The following LRP1B variants were observed in gnomAD, a reference collection of about 807,000 sequenced individuals.
LRP1B encodes the protein low-density lipoprotein receptor-related protein 1B.
Under a neutral mutation model 556.6 loss-of-function variants are expected in LRP1B, and 217 were observed. The observed-to-expected ratio is 0.39, with a 90% confidence interval of 0.35 to 0.44. The LOEUF (loss-of-function observed/expected upper bound fraction) is 0.44, where lower values mean the gene tolerates loss of function less well. Ranked by LOEUF, LRP1B falls within the 20% of genes least tolerant of loss-of-function variation. The probability of loss-of-function intolerance (pLI) is 1.00; values close to 1 mark genes in which losing one functional copy is unlikely to be tolerated. For synonymous variants in LRP1B, 2,047 were observed against 1,865.8 expected (o/e 1.10, Z -2.50); for missense variants, 5,053 against 5,620.8 (o/e 0.90, Z 3.23).
At chr2:141,218,048 C>A (rs992558127) in intron 6 of LRP1B, among the ~76,000 whole-genome samples, 1 of 152,022 alleles carries the variant, frequency 6.6e-6, no homozygotes, top group South Asian at 2.1e-4. Context: ...TCAAACCAAT[C>A]AGAATGGCTA....
chr2:142,011,408 C>T (rs1447423261), intron 1 of LRP1B, among the ~76,000 whole-genome samples: 1 of 152,112 alleles, frequency 6.6e-6, no homozygotes, highest in Non-Finnish European at 1.5e-5. Flanking sequence ...CATGATGATA[C>T]AATTTCTCAC....
intron 2 of LRP1B, among the ~76,000 whole-genome samples, chr2:141,500,787 G>C (rs1185131333): frequency 6.6e-6 from 1 of 152,062 alleles, no homozygotes; most frequent in East Asian, 1.9e-4. Flanking sequence ...TGAATTTACT[G>C]TTTACAGATA....
chr2:141,345,999 G>A (rs979043704), intron 3 of LRP1B, among the ~76,000 whole-genome samples: 2 of 151,722 alleles, frequency 1.3e-5, no homozygotes, highest in Non-Finnish European at 2.9e-5. Context: ...ATTTCCAAGG[G>A]CTCTTTTTTG....
intron 84 of LRP1B, among the ~76,000 whole-genome samples, chr2:140,275,878 CAA>C (rs1409927112): frequency 6.6e-6 from 1 of 151,864 alleles, no homozygotes; most frequent in South Asian, 2.1e-4. Context: ...CATAATGAAA[CAA>C]AGACTATTTA....
intron 27 of LRP1B, among the ~76,000 whole-genome samples, chr2:140,857,536 A>T (rs186754619): frequency 6.6e-6 from 1 of 152,260 alleles, no homozygotes; most frequent in East Asian, 1.9e-4. Context: ...TGAATTCCTT[A>T]TTTAAAATAT....
chr2:141,522,813 A>G (rs767088708), intron 2 of LRP1B, among the ~76,000 whole-genome samples: 1 of 152,172 alleles, frequency 6.6e-6, no homozygotes, highest in Non-Finnish European at 1.5e-5. Flanking sequence ...GCAAGCTGCT[A>G]TTTGCAGTCT....
intron 43 of LRP1B, among the ~76,000 whole-genome samples, chr2:140,597,010 C>T (rs1288797192): frequency 3.3e-5 from 5 of 151,802 alleles, no homozygotes; most frequent in Non-Finnish European, 7.4e-5. Context: ...ATAAATAGTC[C>T]CTAAATTAAC....
rs551498469 is a variant in LRP1B at position 141,326,474 on chromosome 2, A to T, written c.344-71833T>A. The stretch of plus-strand genomic sequence containing the variant: ...GGAAATGATTAGGATGGACAGAATG[A>T]AAGATTTATTATATAGAGAGGAAAA... On this transcript the variant is annotated intron_variant, in intron 3 of 90. Coordinates refer to ENST00000389484, the MANE Select transcript of LRP1B (RefSeq NM_018557.3). Among the ~76,000 whole-genome samples the T allele has an allele frequency of 2.0e-5, 3 of 152,308 alleles. No homozygotes were observed. The East Asian group carries it at 5.8e-4, about 29-fold the overall frequency.
intron 3 of LRP1B, among the ~76,000 whole-genome samples, chr2:141,321,446 G>A (rs1005026355): frequency 2.0e-5 from 3 of 152,044 alleles, no homozygotes; most frequent in Non-Finnish European, 2.9e-5. Flanking sequence ...CAGCAGCTCT[G>A]TTTAGGTTGT....
intron 2 of LRP1B, among the ~76,000 whole-genome samples, chr2:141,615,464 A>C (rs2105328276): frequency 6.6e-6 from 1 of 152,316 alleles, no homozygotes; most frequent in East Asian, 1.9e-4. Context: ...ATATGAGTTA[A>C]GAAATGAAGG....
intron 31 of LRP1B, among the ~76,000 whole-genome samples, chr2:140,829,828 T>C (rs1372578881): frequency 6.6e-6 from 1 of 151,514 alleles, no homozygotes; most frequent in Non-Finnish European, 1.5e-5. Context: ...ATAAATGACA[T>C]AAAAAGCTAT....
intron 86 of LRP1B, among the ~76,000 whole-genome samples, chr2:140,265,699 G>A (rs1682170486): frequency 6.6e-6 from 1 of 151,978 alleles, no homozygotes; most frequent in East Asian, 1.9e-4. Flanking sequence ...TCCTGTAAAT[G>A]TTTTTAGATG....
intron 83 of LRP1B, among the ~76,000 whole-genome samples, chr2:140,304,565 G>A (rs544185559): frequency 1.6e-4 from 24 of 151,970 alleles, no homozygotes; most frequent in African/African-American, 3.4e-4. Context: ...GCACTTTGTC[G>A]GATGAGTAGA....
intron 1 of LRP1B, among the ~76,000 whole-genome samples, chr2:142,094,486 T>A (rs1383163625): frequency 6.6e-6 from 1 of 152,032 alleles, no homozygotes; most frequent in East Asian, 1.9e-4. Context: ...AGGGTTCTTG[T>A]TACAAATTTG....
chr2:141,162,521 A>G (rs1273441082), intron 7 of LRP1B, among the ~76,000 whole-genome samples: 1 of 152,086 alleles, frequency 6.6e-6, no homozygotes, highest in African/African-American at 2.4e-5. Context: ...TATGAGTCAT[A>G]AAGTACTCTA....
Position 141,034,593 on chromosome 2 carries a change from A to G in LRP1B, c.1789+14393T>C, listed in dbSNP as rs539036586. On this transcript the variant is annotated intron_variant, in intron 11 of 90. Transcript: ENST00000389484. The stretch of plus-strand genomic sequence containing the variant: ...AAAGAGGACATTTATGCAGCCAAAA[A>G]ACACATGAAAAAATGCTCATCATCA... Among the ~76,000 whole-genome samples the G allele has an allele frequency of 3.1e-3, 467 of 152,072 alleles. 3 individuals are homozygous for G. The highest frequency in any genetic ancestry group is 0.011 in the African/African-American group (453 of 41,372).
intron 3 of LRP1B, among the ~76,000 whole-genome samples, chr2:141,414,312 A>C (rs532403497): frequency 1.4e-3 from 210 of 150,340 alleles, no homozygotes; most frequent in African/African-American, 5.0e-3. Flanking sequence ...AGAAAAGAAA[A>C]AAGAAAGAGA....
chr2:141,250,622 G>A (rs1157835143), intron 4 of LRP1B, among the ~76,000 whole-genome samples: 1 of 152,112 alleles, frequency 6.6e-6, no homozygotes, highest in Non-Finnish European at 1.5e-5. Flanking sequence ...GACTACATCT[G>A]AGGAGAGGGC....
chr2:141,125,795 G>C (rs1467147929), intron 7 of LRP1B, among the ~76,000 whole-genome samples: 1 of 135,842 alleles, frequency 7.4e-6, no homozygotes, highest in African/African-American at 2.7e-5. Flanking sequence ...ATACCTATAA[G>C]GTTTTACCCA....
Sources: gnomAD v4.1 joint callset for allele counts (sites outside exome capture counted in the v4.1 genomes callset) on GRCh38, gnomAD v4.1.1 for gene constraint, MANE v1.5 for transcripts, NCBI Gene and HGNC (gene_info 2026-07-23, HGNC 2026-07-21) for gene names.